TMEM178B: variants seen among roughly 807,000 people sequenced by gnomAD.
TMEM178B encodes the protein transmembrane protein 178B.
Under a neutral mutation model 31.0 loss-of-function variants are expected in TMEM178B, and 5 were observed. The ratio of observed to expected loss-of-function variants is 0.16; its 90% CI spans 0.08 to 0.34. The LOEUF is 0.34. Among genes scored for constraint, TMEM178B ranks in the 10% least tolerant of loss-of-function variants. The pLI, the probability that TMEM178B is intolerant of heterozygous loss-of-function variation, is 1.00. For synonymous variants in TMEM178B, 164 were observed against 164.0 expected (o/e 1.00, Z 0.00); for missense variants, 275 against 400.3 (o/e 0.69, Z 2.67).
chr7:141,135,921 GT>G (rs148351165), intron 1 of TMEM178B, among the ~76,000 whole-genome samples: 3 of 151,658 alleles, frequency 2.0e-5, no homozygotes, highest in Non-Finnish European at 4.4e-5. Flanking sequence ...GAAATGAGAG[GT>G]TTTTTTTGAA....
intron 2 of TMEM178B, among the ~76,000 whole-genome samples, chr7:141,269,361 C>A (rs1798144674): frequency 6.6e-6 from 1 of 152,068 alleles, no homozygotes; most frequent in Non-Finnish European, 1.5e-5. Flanking sequence ...AAAGTGCTTT[C>A]TGGGACTATA....
At chr7:141,092,095 A>G (rs191203559) in intron 1 of TMEM178B, among the ~76,000 whole-genome samples, 1 of 152,168 alleles carries the variant, frequency 6.6e-6, no homozygotes, top group Admixed American at 6.5e-5. Flanking sequence ...GCTGAATTCC[A>G]TACAAATTCA....
intron 1 of TMEM178B, among the ~76,000 whole-genome samples, chr7:141,145,966 G>T (rs542150331): frequency 6.6e-6 from 1 of 152,318 alleles, no homozygotes; most frequent in South Asian, 2.1e-4. Flanking sequence ...GGGAGCTGAA[G>T]GGTAACTATT....
chr7:141,362,999 T>C (rs1380224202), intron 2 of TMEM178B, among the ~76,000 whole-genome samples: 2 of 152,164 alleles, frequency 1.3e-5, no homozygotes, highest in African/African-American at 4.8e-5. Context: ...GCTGGGAAGA[T>C]AAAGACGGGT....
chr7:141,194,740 C>G (rs1796754630), intron 1 of TMEM178B, among the ~76,000 whole-genome samples: 1 of 152,188 alleles, frequency 6.6e-6, no homozygotes, highest in South Asian at 2.1e-4. Context: ...GTCTCTGACC[C>G]CACATTTCCC....
intron 2 of TMEM178B, among the ~76,000 whole-genome samples, chr7:141,255,382 G>A (rs1797910333): frequency 6.6e-6 from 1 of 152,144 alleles, no homozygotes; most frequent in African/African-American, 2.4e-5. Flanking sequence ...TTGCTCAGAG[G>A]AAAAAGGCAG....
intron 2 of TMEM178B, among the ~76,000 whole-genome samples, chr7:141,347,511 C>T (rs991340351): frequency 3.3e-5 from 5 of 152,038 alleles, no homozygotes; most frequent in East Asian, 1.9e-4. Flanking sequence ...AATTGGCTGG[C>T]GTTTAGGAGC....
At chr7:141,194,670 G>A (rs1048049750) in intron 1 of TMEM178B, among the ~76,000 whole-genome samples, 4 of 152,178 alleles carry the variant, frequency 2.6e-5, no homozygotes, top group Admixed American at 2.0e-4. Flanking sequence ...GGGTTCTGGA[G>A]GATGGTGGCC....
chr7:141,500,641 T>C, the TMEM178B span, among the ~76,000 whole-genome samples: 7 of 152,284 alleles, frequency 4.6e-5, no homozygotes, highest in South Asian at 8.3e-4. Flanking sequence ...GGGCCATTTT[T>C]CCCCAATTGC....
At chr7:141,447,423 G>T (rs1403877737) in intron 3 of TMEM178B, among the ~76,000 whole-genome samples, 3 of 152,020 alleles carry the variant, frequency 2.0e-5, no homozygotes, top group Non-Finnish European at 1.5e-5. Flanking sequence ...GTCTGAAGAA[G>T]TTGAGTGAGA....
At chr7:141,161,730 CTG>C (rs2129181682) in intron 1 of TMEM178B, among the ~76,000 whole-genome samples, 1 of 151,908 alleles carries the variant, frequency 6.6e-6, no homozygotes, top group East Asian at 1.9e-4. Flanking sequence ...AACTTGACAA[CTG>C]TGTGTGTGTC....
chr7:141,417,867 C>T (rs1015125513), intron 2 of TMEM178B, among the ~76,000 whole-genome samples: 8 of 152,304 alleles, frequency 5.3e-5, no homozygotes, highest in Non-Finnish European at 1.0e-4. Flanking sequence ...ATTAGACCTT[C>T]TCAGAGCTGA....
At chr7:141,424,890 A>T (rs149930804) in intron 2 of TMEM178B, among the ~76,000 whole-genome samples, 1 of 152,312 alleles carries the variant, frequency 6.6e-6, no homozygotes, top group East Asian at 1.9e-4. Context: ...ATTTGATTGA[A>T]TGTCCAGTTC....
At chr7:141,108,960 C>T (rs1015683515) in intron 1 of TMEM178B, among the ~76,000 whole-genome samples, 1 of 152,144 alleles carries the variant, frequency 6.6e-6, no homozygotes, top group Non-Finnish European at 1.5e-5. Flanking sequence ...GCACTTCTTA[C>T]ATGGTGGCGG....
chr7:141,272,960 G>A (rs766575829), intron 2 of TMEM178B, among the ~76,000 whole-genome samples: 2 of 152,128 alleles, frequency 1.3e-5, no homozygotes, highest in African/African-American at 4.8e-5. Context: ...CCGAGATATG[G>A]AATCAACCTC....
rs1802435262 is a variant in TMEM178B at position 141,479,437 on chromosome 7, C to T, written c.*8651C>T. 1 of 152,224 alleles carries T rather than the reference C, an allele frequency of 6.6e-6. No individual in the cohort carries two copies. Among genetic ancestry groups the T allele is most frequent in the African/African-American group, 2.4e-5 (1 of 41,460 alleles). The allele number at this position is 152,224 out of a possible 1,614,324, so 9.4% of individuals were successfully genotyped here. A position where few individuals can be genotyped will look rare whatever the true frequency, so the allele number is the denominator to read the frequency against. On this transcript the variant is annotated 3_prime_UTR_variant, in exon 4 of 4. Transcript: ENST00000565468. ...GACAAGTTCTACTTGGACTGGGACT[C>T]AACCCACCATTGCCTACCTCTCTTC...
intron 1 of TMEM178B, among the ~76,000 whole-genome samples, chr7:141,090,804 G>A (rs1794868746): frequency 6.6e-6 from 1 of 152,164 alleles, no homozygotes; most frequent in Admixed American, 6.5e-5. Flanking sequence ...CCAAATTCCA[G>A]GTTAACAATA....
At chr7:141,348,481 A>G (rs780995574) in intron 2 of TMEM178B, among the ~76,000 whole-genome samples, 2 of 152,196 alleles carry the variant, frequency 1.3e-5, no homozygotes, top group Admixed American at 6.5e-5. Flanking sequence ...AGGTTTCTGG[A>G]AGAAGGAGAC....
At position 141,220,355 on chromosome 7, in the gene TMEM178B, AT is replaced by A. The variant is rs1563122144; in HGVS notation, c.496+7652del. On this transcript the variant is annotated intron_variant, in intron 2 of 3. Coordinates refer to ENST00000565468, the MANE Select transcript of TMEM178B (RefSeq NM_001195278.2). Reference sequence around the variant, plus strand: ...AATAATAATAATAATAATAATAATAATAATAAAATAATAAATGCATGTGCAT... The same window carrying A: ...AATAATAATAATAATAATAATAATAAAATAAAATAATAAATGCATGTGCAT... Among the ~76,000 whole-genome samples, 206 of 95,202 alleles carry A rather than the reference AT, an allele frequency of 2.2e-3. 2 individuals carry two copies. The highest frequency in any genetic ancestry group is 3.2e-3 in the Non-Finnish European group (155 of 47,902). The allele number at this position is 95,202 out of a possible 152,430, so 62.5% of individuals were successfully genotyped here.
Sources: allele counts gnomAD v4.1 joint callset (sites outside exome capture counted in the v4.1 genomes callset), GRCh38; gene constraint gnomAD v4.1.1; transcripts MANE v1.5; gene names NCBI Gene and HGNC (gene_info 2026-07-23, HGNC 2026-07-21).